The following PRKCD variants were observed in gnomAD, a reference collection of about 807,000 sequenced individuals.
The protein encoded by PRKCD is protein kinase C delta.
PRKCD carries 20 observed loss-of-function variants against 82.2 expected under a neutral mutation model. That is an observed-to-expected ratio of 0.24 (90% CI 0.17 to 0.35). PRKCD has a LOEUF of 0.35. PRKCD is among the 10% of genes least tolerant of loss of function. The probability of loss-of-function intolerance (pLI) is 1.00; values close to 1 mark genes in which losing one functional copy is unlikely to be tolerated. For synonymous variants in PRKCD, 317 were observed against 337.0 expected, an observed-to-expected ratio of 0.94 and a Z score of 0.65; for missense variants, 607 against 899.0, an observed-to-expected ratio of 0.68 and a Z score of 4.15.
intron 2 of PRKCD, among the ~76,000 whole-genome samples, chr3:53,175,975 C>T (rs1464115508): frequency 2.6e-5 from 4 of 152,236 alleles, no homozygotes; most frequent in Non-Finnish European, 5.9e-5. Flanking sequence ...ACTCCAGTAT[C>T]AACTGAGTGC....
chr3:53,186,457 T>TCCCCCCCTTTC, intron 13 of PRKCD, 117 bp downstream of exon 13: 2 of 1,349,344 alleles, frequency 1.5e-6, no homozygotes, highest in Middle Eastern at 1.9e-4. Context: ...GGCCATGCTT[T>TCCCCCCCTTTC]CCCCCCTCAT....
At chr3:53,175,966 C>T (rs530747476) in intron 2 of PRKCD, among the ~76,000 whole-genome samples, 1 of 152,358 alleles carries the variant, frequency 6.6e-6, no homozygotes, top group South Asian at 2.1e-4. Context: ...TTGCTTTTCA[C>T]TCCAGTATCA....
intron 1 of PRKCD, among the ~76,000 whole-genome samples, chr3:53,164,885 GTGT>G (rs1361644346): frequency 6.6e-6 from 1 of 152,184 alleles, no homozygotes; most frequent in Non-Finnish European, 1.5e-5. Flanking sequence ...CAGGGACACA[GTGT>G]TCCAGCCCCT....
At chr3:53,186,759 C>G in intron 14 of PRKCD, 64 bp downstream of exon 14, 1 of 1,434,846 alleles carries the variant, frequency 7.0e-7, no homozygotes, top group Non-Finnish European at 9.7e-7. Context: ...TCAGAGCCCA[C>G]TTCCAGTCTG....
intron 16 of PRKCD, 43 bp downstream of exon 16, chr3:53,188,901 T>C: frequency 6.2e-7 from 1 of 1,608,610 alleles, no homozygotes; most frequent in Non-Finnish European, 8.5e-7. Context: ...TCAGGCACCT[T>C]GCCTCCCCAC....
intron 2 of PRKCD, among the ~76,000 whole-genome samples, chr3:53,167,407 C>T (rs1010922943): frequency 7.2e-5 from 11 of 152,236 alleles, no homozygotes; most frequent in Admixed American, 5.2e-4. Context: ...GCCTGTAAGC[C>T]GAGGCTCAAG....
chr3:53,161,969 C>T (rs1023968551), intron 1 of PRKCD, among the ~76,000 whole-genome samples: 1 of 150,876 alleles, frequency 6.6e-6, no homozygotes, highest in African/African-American at 2.4e-5. Context: ...TCCGCTCTAC[C>T]GCGGGGCCCA....
At chr3:53,172,756 C>T (rs1379233431) in intron 2 of PRKCD, among the ~76,000 whole-genome samples, 1 of 152,210 alleles carries the variant, frequency 6.6e-6, no homozygotes, top group African/African-American at 2.4e-5. Context: ...AGCCTGTCAC[C>T]TCATTTCTCC....
In PRKCD at chr3:53,172,179, A is replaced by G. The variant is rs551096390; in HGVS notation, c.-19-6225A>G. Among the ~76,000 whole-genome samples, 265 of 152,144 alleles carry G rather than the reference A, an allele frequency of 1.7e-3. 2 individuals carry two copies. Among genetic ancestry groups the G allele is most frequent in the South Asian group, 0.011 (55 of 4,820 alleles). On this transcript the variant is annotated intron_variant, in intron 2 of 18. Transcript: ENST00000330452. ...GAGGCTGGGGGATGGGCCCTGGTGGAGGAACCCTAAAGGGTCTTGCTAGCC... is the reference window on the plus strand; with the variant it reads ...GAGGCTGGGGGATGGGCCCTGGTGGGGGAACCCTAAAGGGTCTTGCTAGCC...
At chr3:53,181,384 C>T (rs1559624629) in intron 5 of PRKCD, 60 bp from the exon 6 acceptor site, 8 of 1,609,380 alleles carry the variant, frequency 5.0e-6, no homozygotes, top group Non-Finnish European at 6.8e-6. Context: ...CTGGGAGGGA[C>T]TGTAGGGGTG....
intron 1 of PRKCD, among the ~76,000 whole-genome samples, chr3:53,164,188 C>G (rs1236757083): frequency 2.0e-5 from 3 of 152,166 alleles, no homozygotes; most frequent in African/African-American, 7.2e-5. Flanking sequence ...TTTGCCATTT[C>G]TTCCTCCCAG....
chr3:53,161,875 C>T (rs782071649), intron 1 of PRKCD, among the ~76,000 whole-genome samples: 1 of 133,822 alleles, frequency 7.5e-6, no homozygotes, highest in Admixed American at 7.3e-5. Flanking sequence ...CACCCCTACC[C>T]CCGCCCGCCG....
intron 4 of PRKCD, 68 bp downstream of exon 4, chr3:53,179,844 G>A (rs1703371283): frequency 6.5e-7 from 1 of 1,530,606 alleles, no homozygotes; most frequent in Non-Finnish European, 8.8e-7. Flanking sequence ...ATGCGTGCAT[G>A]TGTGTGCGTG....
At chr3:53,188,681 A>C (rs782617576) in intron 15 of PRKCD, 39 bp from the exon 16 acceptor site, 89 of 1,610,884 alleles carry the variant, frequency 5.5e-5, no homozygotes, top group Non-Finnish European at 7.5e-5. Flanking sequence ...AAGGAGAAGA[A>C]ATGTCCCCTG....
At chr3:53,167,114 C>A (rs1447821884) in intron 2 of PRKCD, among the ~76,000 whole-genome samples, 1 of 152,188 alleles carries the variant, frequency 6.6e-6, no homozygotes. Flanking sequence ...AGGAGAGAGG[C>A]CCATCTGTTC....
intron 2 of PRKCD, among the ~76,000 whole-genome samples, chr3:53,172,122 G>A (rs1553665034): frequency 2.0e-5 from 3 of 152,054 alleles, no homozygotes; most frequent in Admixed American, 1.3e-4. Context: ...CCATAGATCT[G>A]GTTCTTATCT....
chr3:53,186,433 G>A, intron 13 of PRKCD, 93 bp downstream of exon 13: 1 of 1,502,424 alleles, frequency 6.7e-7, no homozygotes, highest in Non-Finnish European at 9.1e-7. Context: ...TCCCCTTCAG[G>A]CCACTTAAGG....
chr3:53,189,569 G>A (rs1553670346), intron 17 of PRKCD, among the ~76,000 whole-genome samples: 8 of 152,242 alleles, frequency 5.3e-5, no homozygotes, highest in Non-Finnish European at 1.2e-4. Context: ...GCTATGAGCA[G>A]ACTTGACTCA....
chr3:53,183,176 T>G lies in PRKCD; in HGVS notation c.627T>G (p.Thr209=). The change falls in exon 8 of 19, where the codon ACT becomes ACG. Residue 209 remains threonine (T), a synonymous_variant. Transcript: ENST00000330452. ...KCIDKIIGRC[T]GTAANSRDTI... is the part of the protein sequence containing the mutation. ...TCGACAAGATCATCGGCAGATGCAC[T>G]GGCACCGCGGCCAACAGCCGGGACA... 6.2e-7 allele frequency: 1 copy of G among 1,614,188 alleles called. No individual in the cohort carries two copies. The highest frequency in any genetic ancestry group is 8.5e-7 in the Non-Finnish European group (1 of 1,180,024).
Sources: allele counts gnomAD v4.1 joint callset (sites outside exome capture counted in the v4.1 genomes callset), GRCh38; gene constraint gnomAD v4.1.1; transcripts MANE v1.5; gene names NCBI Gene and HGNC (gene_info 2026-07-23, HGNC 2026-07-21).